The following TMC1 variants were observed in gnomAD, a reference collection of about 807,000 sequenced individuals.
TMC1 encodes the protein transmembrane channel-like protein 1.
Under a neutral mutation model 105.8 loss-of-function variants are expected in TMC1, and 84 were observed. That is an observed-to-expected ratio of 0.79 (90% CI 0.67 to 0.95). The LOEUF is 0.95. Among genes scored for constraint, TMC1 ranks in the 40% least tolerant of loss-of-function variants. The pLI, the probability that TMC1 is intolerant of heterozygous loss-of-function variation, is 0.00. For missense variants in TMC1, 817 were observed against 914.1 expected, an observed-to-expected ratio of 0.89 and a Z score of 1.37; for synonymous variants, 315 against 311.5, an observed-to-expected ratio of 1.01 and a Z score of -0.12.
At chr9:72,688,812 A>G in intron 6 of TMC1, 56 bp downstream of exon 6, 3 of 1,440,904 alleles carry the variant, frequency 2.1e-6, no homozygotes, top group Non-Finnish European at 2.9e-6. Context: ...AGTAAACTCA[A>G]AGAATTTATC....
At chr9:72,554,128 T>C (rs1274165398) in intron 1 of TMC1, among the ~76,000 whole-genome samples, 2 of 152,218 alleles carry the variant, frequency 1.3e-5, no homozygotes, top group Non-Finnish European at 2.9e-5. Flanking sequence ...GTGCCTTTTT[T>C]TTCCCCAGTC....
intron 17 of TMC1, among the ~76,000 whole-genome samples, chr9:72,801,228 G>C (rs1828464975): frequency 6.6e-6 from 1 of 152,208 alleles, no homozygotes; most frequent in South Asian, 2.1e-4. Flanking sequence ...GTGGGCAGCA[G>C]AGCCATTCCT....
At chr9:72,727,964 A>G (rs1827150183) in intron 8 of TMC1, among the ~76,000 whole-genome samples, 1 of 152,150 alleles carries the variant, frequency 6.6e-6, no homozygotes, top group South Asian at 2.1e-4. Context: ...AAAATGCTTC[A>G]CACTAAAAAA....
At chr9:72,659,558 T>G (rs544034524) in intron 5 of TMC1, among the ~76,000 whole-genome samples, 1 of 152,160 alleles carries the variant, frequency 6.6e-6, no homozygotes, top group African/African-American at 2.4e-5. Flanking sequence ...CACTTGAACC[T>G]GGAAGGGGGA....
chr9:72,598,238 C>T (rs935109197), intron 2 of TMC1, among the ~76,000 whole-genome samples: 3 of 152,174 alleles, frequency 2.0e-5, no homozygotes, highest in African/African-American at 7.2e-5. Flanking sequence ...GAAATCTACT[C>T]ACATATCCAA....
At chr9:72,588,618 C>T (rs1010189637) in intron 2 of TMC1, among the ~76,000 whole-genome samples, 2 of 152,112 alleles carry the variant, frequency 1.3e-5, no homozygotes, top group Non-Finnish European at 2.9e-5. Flanking sequence ...CAAATTGGCA[C>T]AGCATTCTTT....
intron 4 of TMC1, among the ~76,000 whole-genome samples, chr9:72,641,810 CTTTTTTTTTTTTTTT>C (rs896125209): frequency 1.1e-5 from 1 of 86,996 alleles, no homozygotes; most frequent in African/African-American, 4.7e-5. Context: ...AGTCCCAAAT[CTTTTTTTTTTTTTTT>C]TTTTTTTTTT....
At chr9:72,656,377 G>A (rs1364222623) in intron 5 of TMC1, among the ~76,000 whole-genome samples, 1 of 149,812 alleles carries the variant, frequency 6.7e-6, no homozygotes, top group African/African-American at 2.5e-5. Flanking sequence ...CTTCAAGTTT[G>A]GTGCCTTTTT....
At chr9:72,589,799 C>T (rs566561990) in intron 2 of TMC1, among the ~76,000 whole-genome samples, 12 of 152,200 alleles carry the variant, frequency 7.9e-5, no homozygotes, top group East Asian at 3.9e-4. Context: ...CTTTAAAGGT[C>T]GTTTAGATGG....
intron 2 of TMC1, among the ~76,000 whole-genome samples, chr9:72,613,750 G>A (rs1263306189): frequency 6.6e-6 from 1 of 152,104 alleles, no homozygotes; most frequent in African/African-American, 2.4e-5. Context: ...TTTCTTGTGT[G>A]TGTGTGCGTG....
chr9:72,539,940 C>T (rs1408427081), intron 1 of TMC1, among the ~76,000 whole-genome samples: 1 of 152,192 alleles, frequency 6.6e-6, no homozygotes, highest in African/African-American at 2.4e-5. Flanking sequence ...GGCAAGGAAG[C>T]TTCCATTCAT....
intron 3 of TMC1, among the ~76,000 whole-genome samples, chr9:72,626,903 C>T (rs2132132118): frequency 6.6e-6 from 1 of 150,686 alleles, no homozygotes; most frequent in South Asian, 2.1e-4. Flanking sequence ...TGCATTAAAC[C>T]ATCACATCAC....
chr9:72,638,720 T>C (rs1470804151), intron 4 of TMC1, among the ~76,000 whole-genome samples: 1 of 152,140 alleles, frequency 6.6e-6, no homozygotes, highest in African/African-American at 2.4e-5. Context: ...CTGCCCTCAG[T>C]CATCTCCCAT....
Position 72,792,193 on chromosome 9 carries a change from T to C in TMC1, c.1407T>C (p.Ile469=). 6.2e-7 allele frequency: 1 copy of C among 1,614,156 alleles called. No individual in the cohort carries two copies. Among genetic ancestry groups the C allele is most frequent in the Non-Finnish European group, 8.5e-7 (1 of 1,180,018 alleles). The change falls in exon 17 of 24, where the codon ATT becomes ATC. Residue 469 remains isoleucine, a splice_region_variant and synonymous_variant. Transcript: ENST00000297784. ...LALMDEINNK[I]EEEKLVKANI... is the part of the protein sequence containing the mutation. ...GTTTCTATCTCTTTGCTTTCTAGATTGAAGAGGAGAAGCTAGTAAAGGCCA... is the reference window on the plus strand; with the variant it reads ...GTTTCTATCTCTTTGCTTTCTAGATCGAAGAGGAGAAGCTAGTAAAGGCCA...
chr9:72,544,828 A>G (rs4562400), intron 1 of TMC1, among the ~76,000 whole-genome samples: 91,639 of 147,910 alleles, frequency 0.62, 30,434 homozygotes, highest in African/African-American at 0.88. Context: ...GGGAACAGGT[A>G]GTTTTTGGTT....
At chr9:72,566,277 C>T (rs1310590848) in intron 1 of TMC1, among the ~76,000 whole-genome samples, 1 of 152,186 alleles carries the variant, frequency 6.6e-6, no homozygotes, top group African/African-American at 2.4e-5. Context: ...CTTAAGTGAT[C>T]CTCTGGCTTT....
In TMC1 at chr9:72,837,368, AACC is replaced by A. The variant is rs1241710579; in HGVS notation, c.*1402_*1404del. ...AATTATTATTTTAGAGAGATAGTTTAACCACCACCTGACCATCACCAAATGGTC... is the reference window on the plus strand; with the variant it reads ...AATTATTATTTTAGAGAGATAGTTTAACCACCTGACCATCACCAAATGGTC... On this transcript the variant is annotated 3_prime_UTR_variant, in exon 24 of 24. Transcript: ENST00000297784. 6.6e-6 allele frequency: 1 copy of A among 152,098 alleles called. No homozygotes were observed. The highest frequency in any genetic ancestry group is 1.9e-4 in the East Asian group (1 of 5,180). 9.4% of individuals were successfully genotyped at this position (152,098 alleles called of 1,614,324 possible).
intron 18 of TMC1, among the ~76,000 whole-genome samples, chr9:72,808,203 T>C (rs897877522): frequency 3.3e-5 from 5 of 152,236 alleles, no homozygotes; most frequent in African/African-American, 1.2e-4. Flanking sequence ...GCTACCTCTT[T>C]TGCTCTTGCT....
intron 5 of TMC1, among the ~76,000 whole-genome samples, chr9:72,680,158 T>C (rs568125540): frequency 6.6e-6 from 1 of 152,224 alleles, no homozygotes; most frequent in Non-Finnish European, 1.5e-5. Context: ...GTATTTTAGG[T>C]GTTAAATCTC....
Sources: allele counts gnomAD v4.1 joint callset (sites outside exome capture counted in the v4.1 genomes callset), GRCh38; gene constraint gnomAD v4.1.1; transcripts MANE v1.5; gene names NCBI Gene and HGNC (gene_info 2026-07-23, HGNC 2026-07-21).